The following COL11A1 variants were observed in gnomAD, a reference collection of about 807,000 sequenced individuals.
COL11A1 encodes the protein collagen alpha-1(XI) chain.
In COL11A1, 74 loss-of-function variants were observed where a neutral mutation model predicts 265.2. The ratio of observed to expected loss-of-function variants is 0.28; its 90% CI spans 0.23 to 0.34. COL11A1 has a LOEUF of 0.34. COL11A1 is among the 10% of genes least tolerant of loss of function. The probability of loss-of-function intolerance (pLI) is 1.00; values close to 1 mark genes in which losing one functional copy is unlikely to be tolerated. For missense variants in COL11A1, 2,165 were observed against 2,263.6 expected (o/e 0.96, Z 0.88); for synonymous variants, 816 against 727.6 (o/e 1.12, Z -1.96).
rs968241754 is a variant in COL11A1, at chr1:102,876,921, A to C, written c.*1098T>G. On this transcript the variant is annotated 3_prime_UTR_variant, in exon 67 of 67. Coordinates refer to ENST00000370096, the MANE Select transcript of COL11A1 (RefSeq NM_001854.4). ...TATAAAATTATCTTGAAAGGAAAAA[A>C]GTAATATTTGTTGGGCAAGTAAAAT... The C allele has an allele frequency of 6.6e-6, 1 of 152,472 alleles. No homozygotes were observed. Among genetic ancestry groups the C allele is most frequent in the Admixed American group, 6.6e-5 (1 of 15,254 alleles). The allele number at this position is 152,472 out of a possible 1,614,324, so 9.4% of individuals were successfully genotyped here.
intron 46 of COL11A1, among the ~76,000 whole-genome samples, chr1:102,931,720 G>C (rs1657469632): frequency 6.6e-6 from 1 of 152,008 alleles, no homozygotes; most frequent in Non-Finnish European, 1.5e-5. Context: ...ATTAATGTGT[G>C]GGAGTTAAGT....
chr1:103,106,229 T>A (rs534298509), intron 1 of COL11A1, among the ~76,000 whole-genome samples: 168 of 152,266 alleles, frequency 1.1e-3, no homozygotes, highest in Non-Finnish European at 2.0e-3. Flanking sequence ...TAAAAATAAA[T>A]AGCTTCAGTA....
chr1:102,970,277 A>G lies in COL11A1; in HGVS notation c.2809-5T>C. ...CCCATCCTTCCCAGGTGGTCCCTGA[A>G]ATTACAAATATTAAATACCACATGT... is the stretch of plus-strand genomic sequence containing the variant. On this transcript the variant is annotated splice_region_variant and splice_polypyrimidine_tract_variant and intron_variant, in intron 36 of 66. Transcript: ENST00000370096. 6.2e-7 allele frequency: 1 copy of G among 1,607,756 alleles called. No homozygotes were observed. Among genetic ancestry groups the G allele is most frequent in the Non-Finnish European group, 8.5e-7 (1 of 1,175,086 alleles).
At chr1:102,891,532 G>A (rs1651781025) in intron 57 of COL11A1, among the ~76,000 whole-genome samples, 2 of 151,724 alleles carry the variant, frequency 1.3e-5, no homozygotes, top group South Asian at 2.1e-4. Context: ...CCCCGCCCAA[G>A]GAAATTTTCA....
In COL11A1 at chr1:103,000,441, C is replaced by T. The variant is rs1214668003; in HGVS notation, c.2142+1484G>A. Among the ~76,000 whole-genome samples the T allele has an allele frequency of 2.0e-5, 3 of 151,678 alleles. No individual in the cohort carries two copies. In the East Asian group the frequency reaches 5.8e-4, roughly 29 times the overall value. ...ATAAATAATCCAATTAGAATATTAA[C>T]CAAAAGAGTTTAACAGCTATTTTAT... On this transcript the variant is annotated intron_variant, in intron 24 of 66. Coordinates refer to ENST00000370096, the MANE Select transcript of COL11A1 (RefSeq NM_001854.4).
At chr1:103,083,824 T>G (rs1672637042) in intron 1 of COL11A1, among the ~76,000 whole-genome samples, 1 of 152,182 alleles carries the variant, frequency 6.6e-6, no homozygotes, top group Non-Finnish European at 1.5e-5. Flanking sequence ...CTTCACATTT[T>G]TTTTGTAGTC....
rs1031820 is a variant in COL11A1, at chr1:102,877,914, G to T, written c.*105C>A. 2.6e-6 allele frequency: 3 copies of T among 1,158,118 alleles called. No homozygotes were observed. The highest frequency in any genetic ancestry group is 1.7e-5 in the Admixed American group (1 of 58,426). The allele number at this position is 1,158,118 out of a possible 1,614,324, so 71.7% of individuals were successfully genotyped here. ...CCTAAATGGTACCTGTATATGCAGC[G>T]TTGTTTTCTATACCATCCTTATTCA... On this transcript the variant is annotated 3_prime_UTR_variant, in exon 67 of 67. Transcript: ENST00000370096.
rs73000263 is a variant in COL11A1, at chr1:102,883,554, G to T, written c.4859-243C>A. 0.028 allele frequency among the ~76,000 whole-genome samples: 4,285 copies of T among 152,004 alleles called. 199 individuals are homozygous for T. The highest frequency in any genetic ancestry group is 0.097 in the African/African-American group (4,037 of 41,434). On this transcript the variant is annotated intron_variant, in intron 63 of 66. Coordinates refer to ENST00000370096, the MANE Select transcript of COL11A1 (RefSeq NM_001854.4). ...CTGGAATACCTTTTTAAAATTCTTA[G>T]CATGCCTATCACTTTTTGGTTTCAA... is the stretch of plus-strand genomic sequence containing the variant.
rs537996472 is a variant in COL11A1, at chr1:102,940,144, T to G, written c.3384+183A>C. Among the ~76,000 whole-genome samples the G allele has an allele frequency of 2.0e-5, 3 of 152,362 alleles. No individual in the cohort carries two copies. In the East Asian group the frequency reaches 5.8e-4, roughly 29 times the overall value. The stretch of plus-strand genomic sequence containing the variant: ...TGTTTATGTATCACATACTATTTTA[T>G]GGAACAGATACTAATTCTGAACCTC... On this transcript the variant is annotated intron_variant, in intron 43 of 66. Transcript: ENST00000370096.
intron 41 of COL11A1, among the ~76,000 whole-genome samples, chr1:102,960,863 C>A (rs1221265795): frequency 6.6e-6 from 1 of 151,844 alleles, no homozygotes; most frequent in Admixed American, 6.6e-5. Flanking sequence ...TAGAGGAATG[C>A]CATAGTTAAG....
Position 102,932,949 on chromosome 1 carries a change from CT to C in COL11A1, c.3600+1499del, listed in dbSNP as rs888027892. On this transcript the variant is annotated intron_variant, in intron 46 of 66. Transcript: ENST00000370096. ...CCTTGGTTTTCAGCTCCATCAGCTC[CT>C]TTAAGCACTTCCCTGTATTGGTTAT... 6.6e-4 allele frequency among the ~76,000 whole-genome samples: 97 copies of C among 147,406 alleles called. No individual in the cohort carries two copies. The East Asian group carries it at 0.017, about 26-fold the overall frequency.
intron 46 of COL11A1, among the ~76,000 whole-genome samples, chr1:102,930,993 A>G (rs1438865710): frequency 1.4e-5 from 2 of 146,976 alleles, no homozygotes; most frequent in African/African-American, 5.0e-5. Context: ...TTTTTTCTTT[A>G]TTAGTCTTGC....
chr1:103,099,338 T>C (rs905011186), intron 1 of COL11A1, among the ~76,000 whole-genome samples: 10 of 151,530 alleles, frequency 6.6e-5, no homozygotes, highest in African/African-American at 2.4e-5. Context: ...AATATAATAA[T>C]TCCAATATAC....
intron 44 of COL11A1, among the ~76,000 whole-genome samples, chr1:102,938,139 G>A (rs977378505): frequency 6.6e-6 from 1 of 151,996 alleles, no homozygotes; most frequent in African/African-American, 2.4e-5. Context: ...TTCAGTTTGG[G>A]ATTCCATCAA....
chr1:102,986,140 A>G lies in COL11A1; in HGVS notation c.2502+1493T>C, dbSNP rs930969008. Among the ~76,000 whole-genome samples the G allele has an allele frequency of 3.9e-5, 6 of 152,028 alleles. No homozygotes were observed. In the East Asian group the frequency reaches 9.7e-4, roughly 25 times the overall value. ...ATAGCATTATTGCGGCACTATTCAC[A>G]ATAGCAAAGACTTGGAACCAACCCA... On this transcript the variant is annotated intron_variant, in intron 30 of 66. Transcript: ENST00000370096.
intron 4 of COL11A1, among the ~76,000 whole-genome samples, chr1:103,067,930 G>C (rs1671278343): frequency 6.6e-6 from 1 of 151,476 alleles, no homozygotes; most frequent in African/African-American, 2.4e-5. Flanking sequence ...AACCTGTATC[G>C]AGTAAAGAAA....
chr1:103,003,416 A>G (rs1463448332), intron 20 of COL11A1, 148 bp from the exon 21 acceptor site: 2 of 858,634 alleles, frequency 2.3e-6, no homozygotes, highest in Non-Finnish European at 3.7e-6. Flanking sequence ...TGTCCATAAC[A>G]TAAATATCTA....
In COL11A1 at chr1:102,978,886, C is replaced by T; in HGVS notation, c.2683G>A (p.Gly895Ser). Residue 895 changes from glycine (G) to serine (S), a missense_variant, in exon 34 of 67, where the codon GGT becomes AGT. Coordinates refer to ENST00000370096, the MANE Select transcript of COL11A1 (RefSeq NM_001854.4). ...TTTGGCCCAGGTTTCCCAGTGGGAC[C>T]TCTTGCACCTCTTGAACCTCGAGGA... ...TGPRGSRGAR[G>S]PTGKPGPKGT... is the part of the protein sequence containing the mutation. The T allele has an allele frequency of 1.9e-6, 3 of 1,614,122 alleles. No individual in the cohort carries two copies. Among genetic ancestry groups the T allele is most frequent in the African/African-American group, 1.3e-5 (1 of 75,042 alleles).
In COL11A1 at chr1:102,877,943, C is replaced by T. The variant is rs1465666135; in HGVS notation, c.*76G>A. The stretch of plus-strand genomic sequence containing the variant: ...TTTTCTATACCATCCTTATTCAAAA[C>T]TTGCATGTGGCACAAAATGGGTTGG... On this transcript the variant is annotated 3_prime_UTR_variant, in exon 67 of 67. Coordinates refer to ENST00000370096, the MANE Select transcript of COL11A1 (RefSeq NM_001854.4). The T allele has an allele frequency of 4.0e-6, 6 of 1,495,740 alleles. No individual in the cohort carries two copies. Among genetic ancestry groups the T allele is most frequent in the Non-Finnish European group, 5.6e-6 (6 of 1,074,358 alleles). The allele number at this position is 1,495,740 out of a possible 1,614,324, so 92.7% of individuals were successfully genotyped here.
Sources: allele counts gnomAD v4.1 joint callset (sites outside exome capture counted in the v4.1 genomes callset), GRCh38; gene constraint gnomAD v4.1.1; transcripts MANE v1.5; gene names NCBI Gene and HGNC (gene_info 2026-07-23, HGNC 2026-07-21).